Variants in ELOVL2 observed in about 807,000 individuals in gnomAD.
ELOVL2 encodes very long chain fatty acid elongase 2.
Under a neutral mutation model 37.7 loss-of-function variants are expected in ELOVL2, and 38 were observed. The ratio of observed to expected loss-of-function variants is 1.01; its 90% CI spans 0.78 to 1.32. The LOEUF (loss-of-function observed/expected upper bound fraction) is 1.32, where lower values mean the gene tolerates loss of function less well. Ranked by LOEUF, ELOVL2 falls within the 40% of genes most tolerant of loss-of-function variation. The probability of loss-of-function intolerance (pLI) is 0.00; values close to 1 mark genes in which losing one functional copy is unlikely to be tolerated. For missense variants in ELOVL2, 352 were observed against 363.6 expected (o/e 0.97, Z 0.26); for synonymous variants, 115 against 122.3 (o/e 0.94, Z 0.40).
chr6:10,987,264 A>G (rs1210648706), intron 7 of ELOVL2, among the ~76,000 whole-genome samples: 2 of 151,974 alleles, frequency 1.3e-5, no homozygotes, highest in African/African-American at 2.4e-5. Flanking sequence ...TCTTGCTAGC[A>G]GTCTATCAAT....
At chr6:11,012,146 C>T (rs1028879665) in intron 1 of ELOVL2, among the ~76,000 whole-genome samples, 2 of 152,126 alleles carry the variant, frequency 1.3e-5, no homozygotes, top group Non-Finnish European at 2.9e-5. Flanking sequence ...CGTATGTCTT[C>T]GGGAACTTTA....
chr6:11,021,275 G>T (rs990988212), intron 1 of ELOVL2, among the ~76,000 whole-genome samples: 5 of 152,164 alleles, frequency 3.3e-5, no homozygotes, highest in African/African-American at 1.2e-4. Context: ...AACTCTGTTG[G>T]TTTTCCCTGG....
chr6:10,984,802 A>G (rs2113460394), intron 7 of ELOVL2, among the ~76,000 whole-genome samples: 1 of 152,078 alleles, frequency 6.6e-6, no homozygotes, highest in Non-Finnish European at 1.5e-5. Context: ...GCTATTGTGA[A>G]TAGTGCTGCA....
chr6:11,044,179 A>C lies in ELOVL2; in HGVS notation c.3+49T>G. The C allele has an allele frequency of 6.9e-7, 1 of 1,451,342 alleles. No individual in the cohort carries two copies. Among genetic ancestry groups the C allele is most frequent in the Non-Finnish European group, 9.1e-7 (1 of 1,099,824 alleles). 89.9% of individuals were successfully genotyped at this position (1,451,342 alleles called of 1,614,324 possible). On this transcript the variant is annotated intron_variant, in intron 1 of 7. Coordinates refer to ENST00000354666, the MANE Select transcript of ELOVL2 (RefSeq NM_017770.4). The surrounding 1 kb of genome is among the most constrained non-coding windows in gnomAD (Gnocchi z 5.6). ...TTCCCGCCCGGTGCGTGGGTCCAGG[A>C]GAGAAAGAAAGCGCGGCGGTGTCGG...
At chr6:11,029,893 A>G (rs1375095466) in intron 1 of ELOVL2, among the ~76,000 whole-genome samples, 1 of 152,194 alleles carries the variant, frequency 6.6e-6, no homozygotes, top group Non-Finnish European at 1.5e-5. Context: ...TGTTTGAGTA[A>G]AAATGCTCTC....
chr6:11,044,076 G>A lies in ELOVL2; in HGVS notation c.3+152C>T. Reference sequence around the variant, plus strand: ...CGCTCAGCTCCCGCTCCCCAGGCCCGCGCGGACCCGGCCCCTCCGAGGGTA... The same window carrying A: ...CGCTCAGCTCCCGCTCCCCAGGCCCACGCGGACCCGGCCCCTCCGAGGGTA... On this transcript the variant is annotated intron_variant, in intron 1 of 7. Coordinates refer to ENST00000354666, the MANE Select transcript of ELOVL2 (RefSeq NM_017770.4). This position sits in a 1 kb window ranked among gnomAD's most constrained non-coding sequence, Gnocchi z 5.6. 3 of 1,017,362 alleles carry A rather than the reference G, an allele frequency of 2.9e-6. No individual in the cohort carries two copies. The highest frequency in any genetic ancestry group is 2.5e-6 in the Non-Finnish European group (2 of 785,226). 63.0% of individuals were successfully genotyped at this position (1,017,362 alleles called of 1,614,324 possible).
In ELOVL2 at chr6:11,044,110, C is replaced by A; in HGVS notation, c.3+118G>T. The A allele has an allele frequency of 7.9e-7, 1 of 1,268,740 alleles. No individual in the cohort carries two copies. Among genetic ancestry groups the A allele is most frequent in the Non-Finnish European group, 1.0e-6 (1 of 983,056 alleles). 78.6% of individuals were successfully genotyped at this position (1,268,740 alleles called of 1,614,324 possible). A position where few individuals can be genotyped will look rare whatever the true frequency, so the allele number is the denominator to read the frequency against. Reference sequence around the variant, plus strand: ...CGGCCCCTCCGAGGGTAGCGGGTTCCAGCGGCGAACCCGCAGCGCCCGCGC... The same window carrying A: ...CGGCCCCTCCGAGGGTAGCGGGTTCAAGCGGCGAACCCGCAGCGCCCGCGC... On this transcript the variant is annotated intron_variant, in intron 1 of 7. Coordinates refer to ENST00000354666, the MANE Select transcript of ELOVL2 (RefSeq NM_017770.4). The surrounding 1 kb of genome is among the most constrained non-coding windows in gnomAD (Gnocchi z 5.6).
intron 1 of ELOVL2, among the ~76,000 whole-genome samples, chr6:11,021,988 GAGTAA>G (rs1368591833): frequency 6.6e-6 from 1 of 152,156 alleles, no homozygotes; most frequent in Non-Finnish European, 1.5e-5. Flanking sequence ...AACATGAGAG[GAGTAA>G]AGTAATGTTA....
intron 1 of ELOVL2, among the ~76,000 whole-genome samples, chr6:11,025,121 A>G (rs1207006775): frequency 6.6e-6 from 1 of 152,126 alleles, no homozygotes. Context: ...GCAGCCACTG[A>G]CCTCTAACAC....
chr6:11,005,736 C>T (rs575320358), intron 2 of ELOVL2, among the ~76,000 whole-genome samples, 177 bp from the exon 3 acceptor site: 7 of 152,194 alleles, frequency 4.6e-5, no homozygotes, highest in Admixed American at 2.0e-4. Context: ...TGGGCTGAAT[C>T]GGTAAAGGTT....
chr6:11,021,898 A>T (rs960882762), intron 1 of ELOVL2, among the ~76,000 whole-genome samples: 22 of 152,258 alleles, frequency 1.4e-4, no homozygotes, highest in African/African-American at 5.3e-4. Context: ...GCTACGCTTG[A>T]GAGGGAGCTC....
intron 1 of ELOVL2, among the ~76,000 whole-genome samples, chr6:11,032,318 C>T (rs1420476737): frequency 1.7e-5 from 2 of 120,848 alleles, no homozygotes; most frequent in African/African-American, 6.3e-5. Flanking sequence ...TCTTTTTACA[C>T]AATTTGGATA....
At chr6:11,043,783 G>T in intron 1 of ELOVL2, 1 of 158,544 alleles carries the variant, frequency 6.3e-6, no homozygotes, top group Non-Finnish European at 1.4e-5. Context: ...CGCGGGAAAC[G>T]CCGTTCTCCG....
intron 4 of ELOVL2, 30 bp downstream of exon 4, chr6:11,000,057 T>C: frequency 6.2e-7 from 1 of 1,602,340 alleles, no homozygotes; most frequent in Non-Finnish European, 8.6e-7. Flanking sequence ...GAACTGGTTA[T>C]AGTTGGTTGA....
intron 2 of ELOVL2, 24 bp downstream of exon 2, chr6:11,010,716 CCACATT>C: frequency 6.4e-7 from 1 of 1,565,968 alleles, no homozygotes; most frequent in Non-Finnish European, 8.8e-7. Context: ...TGTGTTCCTT[CCACATT>C]AAGTTCTCAA....
At chr6:11,027,021 CCAT>C (rs1449051228) in intron 1 of ELOVL2, among the ~76,000 whole-genome samples, 1 of 152,068 alleles carries the variant, frequency 6.6e-6, no homozygotes, top group Non-Finnish European at 1.5e-5. Flanking sequence ...ACTGTAATCA[CCAT>C]GTTTTTCGAT....
rs140355978 is a variant in ELOVL2, at chr6:11,002,240, G to A, written c.256-2076C>T. Among the ~76,000 whole-genome samples the A allele has an allele frequency of 3.3e-4, 50 of 152,200 alleles. 1 individual carries two copies. In the East Asian group the frequency reaches 9.5e-3, roughly 29 times the overall value. ...CAACTCCAATGTCACCTTTTCAGAG[G>A]CTGCCCCATCACCAGCCTCTCACTC... On this transcript the variant is annotated intron_variant, in intron 3 of 7. Transcript: ENST00000354666.
chr6:11,010,840 G>GT, intron 1 of ELOVL2, 31 bp from the exon 2 acceptor site: 3 of 1,560,848 alleles, frequency 1.9e-6, no homozygotes, highest in Non-Finnish European at 1.7e-6. Flanking sequence ...TGATTTAAGT[G>GT]TTTTTTTCTT....
chr6:10,982,469 A>G lies in ELOVL2; in HGVS notation c.*1312T>C, dbSNP rs971925004. On this transcript the variant is annotated 3_prime_UTR_variant, in exon 8 of 8. Transcript: ENST00000354666. ...TCGAAGCTAACAAGTTTTATTTTATAGGGTATAAATTAATCTTCAAAAAAA... is the reference window on the plus strand; with the variant it reads ...TCGAAGCTAACAAGTTTTATTTTATGGGGTATAAATTAATCTTCAAAAAAA... 1.3e-5 allele frequency: 2 copies of G among 152,334 alleles called. No homozygotes were observed. Among genetic ancestry groups the G allele is most frequent in the Admixed American group, 1.3e-4 (2 of 15,302 alleles). The allele number at this position is 152,334 out of a possible 1,614,324, so 9.4% of individuals were successfully genotyped here. A position where few individuals can be genotyped will look rare whatever the true frequency, so the allele number is the denominator to read the frequency against.
Sources: gnomAD v4.1 joint callset for allele counts (sites outside exome capture counted in the v4.1 genomes callset) on GRCh38, gnomAD v4.1.1 for gene constraint, Gnocchi (gnomAD v3.1) non-coding constraint, MANE v1.5 for transcripts, NCBI Gene and HGNC (gene_info 2026-07-23, HGNC 2026-07-21) for gene names.